Variants in SERPINE2 observed in about 807,000 individuals in gnomAD.
The protein encoded by SERPINE2 is serpin family E member 2.
In SERPINE2, 14 loss-of-function variants were observed where a neutral mutation model predicts 36.3. The observed-to-expected ratio is 0.39, with a 90% CI of 0.25 to 0.60. The LOEUF is 0.60. SERPINE2 is among the 20% of genes least tolerant of loss of function. The pLI is 0.57. For synonymous variants in SERPINE2, 192 were observed against 191.8 expected, an observed-to-expected ratio of 1.00 and a Z score of -0.01; for missense variants, 418 against 499.6, an observed-to-expected ratio of 0.84 and a Z score of 1.56.
chr2:223,989,436 C>G (rs529316844), intron 4 of SERPINE2, among the ~76,000 whole-genome samples: 27 of 152,326 alleles, frequency 1.8e-4, no homozygotes, highest in Non-Finnish European at 2.9e-4. Flanking sequence ...GCAGCTCGAG[C>G]TGGGCCACTC....
intron 1 of SERPINE2, among the ~76,000 whole-genome samples, chr2:224,036,806 G>C (rs1010130684): frequency 6.6e-6 from 1 of 151,984 alleles, no homozygotes; most frequent in Non-Finnish European, 1.5e-5. Flanking sequence ...AGGGACAAGG[G>C]AGGTTAAGGC....
intron 1 of SERPINE2, 83 bp from the exon 2 acceptor site, chr2:224,002,005 C>T: frequency 1.6e-6 from 2 of 1,257,826 alleles, no homozygotes; most frequent in Non-Finnish European, 2.1e-6. Flanking sequence ...CAGATAGAGA[C>T]TCGTTCTTTC....
intron 1 of SERPINE2, chr2:224,038,809 G>T (rs906407285): frequency 1.5e-5 from 6 of 404,780 alleles, no homozygotes; most frequent in Non-Finnish European, 2.2e-5. Flanking sequence ...ATCACTGGAC[G>T]CCACCCCGGG....
At chr2:223,983,714 ACACG>A (rs1299041402) in intron 5 of SERPINE2, among the ~76,000 whole-genome samples, 12 of 142,452 alleles carry the variant, frequency 8.4e-5, no homozygotes, top group African/African-American at 3.3e-4. Context: ...ACACACACAC[ACACG>A]TATATATATG....
In SERPINE2 at chr2:223,977,815, A is replaced by G. The variant is rs569170750; in HGVS notation, c.1073-188T>C. 833 of 549,410 alleles carry G rather than the reference A, an allele frequency of 1.5e-3. 8 individuals are homozygous for G. The highest frequency in any genetic ancestry group is 5.5e-3 in the South Asian group (269 of 49,102). The allele number at this position is 549,410 out of a possible 1,614,324, so 34.0% of individuals were successfully genotyped here. On this transcript the variant is annotated intron_variant, in intron 7 of 8. Transcript: ENST00000409304. ...CCATTTACTAAGCCTACCTTGGGCC[A>G]GGCCCTTTACATTACTCTCTCATGT...
chr2:224,004,129 A>C (rs1024841112), intron 1 of SERPINE2, among the ~76,000 whole-genome samples: 2 of 152,220 alleles, frequency 1.3e-5, no homozygotes, highest in African/African-American at 4.8e-5. Flanking sequence ...CCTGCATCAC[A>C]ACAGCGTTTA....
chr2:224,034,684 C>T (rs2106206223), intron 1 of SERPINE2, among the ~76,000 whole-genome samples: 1 of 152,230 alleles, frequency 6.6e-6, no homozygotes, highest in Non-Finnish European at 1.5e-5. Flanking sequence ...AACAAGGTTC[C>T]CCATGTTCCA....
At chr2:223,994,147 C>T (rs1690786666) in intron 3 of SERPINE2, among the ~76,000 whole-genome samples, 1 of 152,134 alleles carries the variant, frequency 6.6e-6, no homozygotes, top group Non-Finnish European at 1.5e-5. Context: ...AATGCCTGGC[C>T]CCACCATGAC....
intron 1 of SERPINE2, among the ~76,000 whole-genome samples, chr2:224,020,154 G>T (rs1260771400): frequency 6.6e-6 from 1 of 152,088 alleles, no homozygotes; most frequent in Non-Finnish European, 1.5e-5. Context: ...CATTTTAGTG[G>T]GAACATGCAT....
intron 5 of SERPINE2, among the ~76,000 whole-genome samples, chr2:223,984,184 A>G (rs1690338992): frequency 6.6e-6 from 1 of 152,150 alleles, no homozygotes; most frequent in Non-Finnish European, 1.5e-5. Context: ...TGGACAAAGC[A>G]TTCTCTGACC....
At position 223,982,801 on chromosome 2, in the gene SERPINE2, G is replaced by A. The variant is rs1559194770; in HGVS notation, c.885-20C>T. ...GTGAACCTAGCATGAAAGCAGAAAT[G>A]GAGAAAAAAAATCACGAGGCTATAA... On this transcript the variant is annotated intron_variant, in intron 5 of 8. Coordinates refer to ENST00000409304, the MANE Select transcript of SERPINE2 (RefSeq NM_001136528.2). The A allele has an allele frequency of 3.8e-6, 6 of 1,575,090 alleles. No individual in the cohort carries two copies. The highest frequency in any genetic ancestry group is 1.8e-5 in the Admixed American group (1 of 55,472).
intron 1 of SERPINE2, among the ~76,000 whole-genome samples, chr2:224,014,427 T>C (rs1024018744): frequency 5.3e-5 from 8 of 151,876 alleles, no homozygotes; most frequent in South Asian, 2.1e-4. Flanking sequence ...ACTAGGTAAA[T>C]TGGTATCAAT....
At chr2:224,013,226 C>T (rs777458699) in intron 1 of SERPINE2, among the ~76,000 whole-genome samples, 6 of 152,202 alleles carry the variant, frequency 3.9e-5, no homozygotes, top group Non-Finnish European at 5.9e-5. Flanking sequence ...CTGCTGAGTT[C>T]CTGCCTGATA....
At chr2:224,006,904 G>A (rs1253791883) in intron 1 of SERPINE2, among the ~76,000 whole-genome samples, 1 of 152,056 alleles carries the variant, frequency 6.6e-6, no homozygotes, top group African/African-American at 2.4e-5. Flanking sequence ...ACTTTCCAGC[G>A]TGCCTCGCTC....
chr2:223,997,545 C>T (rs1351159524), intron 3 of SERPINE2, among the ~76,000 whole-genome samples: 6 of 152,104 alleles, frequency 3.9e-5, no homozygotes, highest in Admixed American at 1.3e-4. Flanking sequence ...AAAACACCAA[C>T]GTTAGACTCT....
chr2:223,995,499 G>A (rs13396978), intron 3 of SERPINE2, among the ~76,000 whole-genome samples: 45,431 of 152,106 alleles, frequency 0.3, 9,081 homozygotes, highest in African/African-American at 0.57. Flanking sequence ...TGCTTCTCCC[G>A]TGGCTTTTCA....
intron 4 of SERPINE2, among the ~76,000 whole-genome samples, chr2:223,987,203 A>T (rs1287832125): frequency 6.6e-6 from 1 of 152,220 alleles, no homozygotes; most frequent in African/African-American, 2.4e-5. Context: ...GAGACAACAC[A>T]TACAAAGTGC....
intron 1 of SERPINE2, among the ~76,000 whole-genome samples, chr2:224,016,529 G>T: frequency 6.6e-6 from 1 of 151,702 alleles, no homozygotes; most frequent in South Asian, 2.1e-4. Flanking sequence ...AAAATAGTTT[G>T]GTAGTTTCTG....
intron 1 of SERPINE2, among the ~76,000 whole-genome samples, chr2:224,022,844 T>C (rs893443065): frequency 5.3e-5 from 8 of 152,214 alleles, no homozygotes; most frequent in African/African-American, 1.9e-4. Flanking sequence ...GGGAGGTGAT[T>C]GGATCATGGG....
Sources: gnomAD v4.1 joint callset for allele counts (sites outside exome capture counted in the v4.1 genomes callset) on GRCh38, gnomAD v4.1.1 for gene constraint, MANE v1.5 for transcripts, NCBI Gene and HGNC (gene_info 2026-07-23, HGNC 2026-07-21) for gene names.